Variants in METTL25 observed in about 807,000 individuals in gnomAD.
METTL25 encodes methyltransferase like 25.
In METTL25, 64 loss-of-function variants were observed where a neutral mutation model predicts 71.6. That is an observed-to-expected ratio of 0.89 (90% CI 0.73 to 1.10). The LOEUF (loss-of-function observed/expected upper bound fraction) is 1.10, where lower values mean the gene tolerates loss of function less well. Among genes scored for constraint, METTL25 ranks in the 50% least tolerant of loss-of-function variants. The pLI is 0.00. For missense variants in METTL25, 807 were observed against 707.0 expected (o/e 1.14, Z -1.60); for synonymous variants, 287 against 250.3 (o/e 1.15, Z -1.38).
intron 5 of METTL25, among the ~76,000 whole-genome samples, chr12:82,430,655 G>T (rs1027299580): frequency 6.6e-6 from 1 of 151,598 alleles, no homozygotes; most frequent in African/African-American, 2.4e-5. Flanking sequence ...TGGCAAATTG[G>T]TTGGTACCAG....
chr12:82,420,129 C>T (rs1198950207), intron 5 of METTL25, among the ~76,000 whole-genome samples: 1 of 152,116 alleles, frequency 6.6e-6, no homozygotes, highest in African/African-American at 2.4e-5. Flanking sequence ...ACTGCATGAT[C>T]TCACTTGTAT....
intron 1 of METTL25, among the ~76,000 whole-genome samples, chr12:82,372,988 G>A (rs1565804048): frequency 3.9e-5 from 6 of 152,202 alleles, no homozygotes; most frequent in Admixed American, 3.3e-4. Context: ...GGAGGACCGA[G>A]GAAGGTCGGA....
chr12:82,387,715 GCACA>G (rs34068056), intron 2 of METTL25, among the ~76,000 whole-genome samples: 6 of 150,560 alleles, frequency 4.0e-5, no homozygotes, highest in Admixed American at 2.0e-4. Flanking sequence ...ACACACACGC[GCACA>G]CACACACACA....
At chr12:82,359,514 G>T (rs1881519107) in intron 1 of METTL25, among the ~76,000 whole-genome samples, 1 of 152,248 alleles carries the variant, frequency 6.6e-6, no homozygotes, top group African/African-American at 2.4e-5. Flanking sequence ...CATTTGAAAA[G>T]ATAACTGTGA....
chr12:82,458,612 G>A (rs1333237029), intron 9 of METTL25, among the ~76,000 whole-genome samples: 1 of 151,870 alleles, frequency 6.6e-6, no homozygotes, highest in Admixed American at 6.6e-5. Flanking sequence ...GCTCAACCTG[G>A]TTTTAGAGAA....
intron 9 of METTL25, among the ~76,000 whole-genome samples, chr12:82,457,977 A>G (rs1592756519): frequency 6.6e-6 from 1 of 152,102 alleles, no homozygotes; most frequent in Admixed American, 6.6e-5. Context: ...ATCTCATTTC[A>G]TGTCTTGCAT....
chr12:82,412,907 G>A (rs1165713439), intron 5 of METTL25, among the ~76,000 whole-genome samples: 3 of 151,442 alleles, frequency 2.0e-5, no homozygotes, highest in African/African-American at 7.3e-5. Flanking sequence ...TTGTGCCCCA[G>A]CATTGCATGT....
intron 1 of METTL25, among the ~76,000 whole-genome samples, chr12:82,361,358 T>A (rs1301613669): frequency 6.6e-6 from 1 of 152,222 alleles, no homozygotes; most frequent in Non-Finnish European, 1.5e-5. Flanking sequence ...CTTCACCTAG[T>A]GGATCCCACG....
At position 82,458,344 on chromosome 12, in the gene METTL25, A is replaced by C. The variant is rs542263988; in HGVS notation, c.1572+1524A>C. Reference sequence around the variant, plus strand: ...GTCTTAGCAAGTAAAAGCTAAAAACAACAGAAAAATCCACAGATCTAATGA... The same window carrying C: ...GTCTTAGCAAGTAAAAGCTAAAAACCACAGAAAAATCCACAGATCTAATGA... On this transcript the variant is annotated intron_variant, in intron 9 of 11. Transcript: ENST00000248306. 3.3e-5 allele frequency among the ~76,000 whole-genome samples: 5 copies of C among 152,292 alleles called. No homozygotes were observed. The South Asian group carries it at 1.0e-3, about 32-fold the overall frequency.
chr12:82,439,961 CTG>C (rs566304207), intron 8 of METTL25: 360 of 288,984 alleles, frequency 1.2e-3, no homozygotes, highest in Non-Finnish European at 1.7e-3. Context: ...CTCCACATGC[CTG>C]TGTTCCTTTA....
At chr12:82,444,298 G>A (rs1890588301) in intron 8 of METTL25, among the ~76,000 whole-genome samples, 2 of 152,060 alleles carry the variant, frequency 1.3e-5, no homozygotes, top group African/African-American at 4.8e-5. Context: ...TAATATGGTG[G>A]CCAGCAAAGC....
intron 5 of METTL25, among the ~76,000 whole-genome samples, chr12:82,422,652 A>T (rs955658636): frequency 6.6e-6 from 1 of 152,138 alleles, no homozygotes; most frequent in Non-Finnish European, 1.5e-5. Flanking sequence ...AAACCCCATC[A>T]TCTCAGCCCA....
intron 5 of METTL25, chr12:82,408,058 C>G (rs1291924801): frequency 4.1e-6 from 2 of 488,294 alleles, no homozygotes; most frequent in Non-Finnish European, 5.3e-6. Context: ...CTGCCTCTTA[C>G]CTTCTGAATA....
At chr12:82,413,346 C>T (rs1887700323) in intron 5 of METTL25, among the ~76,000 whole-genome samples, 1 of 151,936 alleles carries the variant, frequency 6.6e-6, no homozygotes, top group Non-Finnish European at 1.5e-5. Context: ...TTGCTAGATA[C>T]TGAAGATATC....
At chr12:82,408,597 C>CATGT (rs143437385) in intron 5 of METTL25, among the ~76,000 whole-genome samples, 1 of 147,636 alleles carries the variant, frequency 6.8e-6, no homozygotes, top group Non-Finnish European at 1.5e-5. Context: ...GATGTGACTC[C>CATGT]GTGTGTGTGT....
At chr12:82,425,501 A>G (rs1157398083) in intron 5 of METTL25, among the ~76,000 whole-genome samples, 1 of 152,078 alleles carries the variant, frequency 6.6e-6, no homozygotes, top group Non-Finnish European at 1.5e-5. Context: ...AGATGAAGAG[A>G]TTGTTTAATG....
rs117177780 is a variant in METTL25, at chr12:82,362,263, A to G, written c.259+3439A>G. ...AAAAGCAAATATGTTAGAAATAACT[A>G]TCTTTTCAGTGCATAAATTATGGCT... is the stretch of plus-strand genomic sequence containing the variant. On this transcript the variant is annotated intron_variant, in intron 1 of 11. Coordinates refer to ENST00000248306, the MANE Select transcript of METTL25 (RefSeq NM_032230.3). 6.3e-3 allele frequency among the ~76,000 whole-genome samples: 955 copies of G among 152,340 alleles called. 2 individuals are homozygous for G. The highest frequency in any genetic ancestry group is 0.011 in the Non-Finnish European group (757 of 68,028).
chr12:82,478,860 T>C, intron 11 of METTL25, 72 bp from the exon 12 acceptor site: 1 of 1,170,892 alleles, frequency 8.5e-7, no homozygotes. Flanking sequence ...TATTACAATA[T>C]ATAATCCAAC....
At chr12:82,412,611 T>TA (rs1203022257) in intron 5 of METTL25, among the ~76,000 whole-genome samples, 1 of 152,154 alleles carries the variant, frequency 6.6e-6, no homozygotes, top group Non-Finnish European at 1.5e-5. Context: ...TGTTTGTTCT[T>TA]ACTAACTGAA....
Sources: allele counts gnomAD v4.1 joint callset (sites outside exome capture counted in the v4.1 genomes callset), GRCh38; gene constraint gnomAD v4.1.1; transcripts MANE v1.5; gene names NCBI Gene and HGNC (gene_info 2026-07-23, HGNC 2026-07-21).